WDFY2: variants seen among roughly 807,000 people sequenced by gnomAD.
The protein encoded by WDFY2 is WD repeat and FYVE domain-containing protein 2.
In WDFY2, 36 loss-of-function variants were observed where a neutral mutation model predicts 56.4. The observed-to-expected ratio is 0.64, with a 90% confidence interval of 0.49 to 0.84. The LOEUF is 0.84. Among genes scored for constraint, WDFY2 ranks in the 40% least tolerant of loss-of-function variants. The pLI, the probability that WDFY2 is intolerant of heterozygous loss-of-function variation, is 0.00. For synonymous variants in WDFY2, 176 were observed against 183.7 expected, an observed-to-expected ratio of 0.96 and a Z score of 0.34; for missense variants, 444 against 512.2, an observed-to-expected ratio of 0.87 and a Z score of 1.29.
At chr13:51,634,572 G>A (rs1387436218) in intron 1 of WDFY2, among the ~76,000 whole-genome samples, 2 of 152,192 alleles carry the variant, frequency 1.3e-5, no homozygotes, top group Admixed American at 6.5e-5. Context: ...CACCTTGGGA[G>A]GCCAGGGTAG....
chr13:51,657,540 CTAGA>C lies in WDFY2; in HGVS notation c.138-3051_138-3048del, dbSNP rs577526940. On this transcript the variant is annotated intron_variant, in intron 1 of 11. Coordinates refer to ENST00000298125, the MANE Select transcript of WDFY2 (RefSeq NM_052950.4). Reference sequence around the variant, plus strand: ...CCCTTCATTTGGAAGGATAGTGCAGCTAGATAGAGAATTCATCTGTCTTACTATA... The same window carrying C: ...CCCTTCATTTGGAAGGATAGTGCAGCTAGAGAATTCATCTGTCTTACTATA... 7.7e-4 allele frequency among the ~76,000 whole-genome samples: 118 copies of C among 152,268 alleles called. 1 individual carries two copies. The highest frequency in any genetic ancestry group is 2.2e-3 in the African/African-American group (91 of 41,578).
intron 7 of WDFY2, among the ~76,000 whole-genome samples, chr13:51,740,652 C>G (rs377184227): frequency 6.7e-6 from 1 of 148,300 alleles, no homozygotes; most frequent in African/African-American, 2.5e-5. Flanking sequence ...AGGTGGAGGT[C>G]GCGGTGAGCC....
rs556704552 is a variant in WDFY2 at position 51,727,754 on chromosome 13, A to G, written c.562A>G (p.Asn188Asp). The G allele has an allele frequency of 1.9e-4, 301 of 1,614,210 alleles. 2 individuals are homozygous for G. In the South Asian group the frequency reaches 3.1e-3, roughly 17 times the overall value. ...AACAATCCTCAAACTGGAGCAAGAA[A>G]ACTGCACCCTGGTCACAACATTCAG... Reference protein sequence around the residue: ...QVTILKLEQENCTLVTTFRGH... With the variant: ...QVTILKLEQEDCTLVTTFRGH... The change falls in exon 6 of 12, where the codon AAC becomes GAC. Residue 188 changes from asparagine to aspartate, a missense_variant. Coordinates refer to ENST00000298125, the MANE Select transcript of WDFY2 (RefSeq NM_052950.4).
At chr13:51,637,297 C>G (rs1300036111) in intron 1 of WDFY2, among the ~76,000 whole-genome samples, 2 of 152,074 alleles carry the variant, frequency 1.3e-5, no homozygotes, top group Admixed American at 1.3e-4. Context: ...CATTTTATTT[C>G]TAGAATTAAA....
chr13:51,720,165 T>A (rs1239051096), intron 5 of WDFY2, among the ~76,000 whole-genome samples: 2 of 152,240 alleles, frequency 1.3e-5, no homozygotes, highest in African/African-American at 2.4e-5. Flanking sequence ...AAGTCCTGCT[T>A]TCTAATTTCA....
Position 51,673,060 on chromosome 13 carries a change from C to T in WDFY2, c.206-2110C>T, listed in dbSNP as rs564108167. 3.3e-5 allele frequency among the ~76,000 whole-genome samples: 5 copies of T among 152,242 alleles called. No individual in the cohort carries two copies. The South Asian group carries it at 6.2e-4, about 19-fold the overall frequency. On this transcript the variant is annotated intron_variant, in intron 2 of 11. Coordinates refer to ENST00000298125, the MANE Select transcript of WDFY2 (RefSeq NM_052950.4). ...TCACAATCTATAAATTCTTTTAATT[C>T]CATGATGGCAGCAGTAATACTTTAT...
chr13:51,623,839 A>AG (rs1489795872), intron 1 of WDFY2, among the ~76,000 whole-genome samples: 1 of 147,092 alleles, frequency 6.8e-6, no homozygotes, highest in Non-Finnish European at 1.5e-5. Context: ...GTTTTTACAG[A>AG]GTTTTTTTTT....
chr13:51,623,222 TAA>T (rs529941138), intron 1 of WDFY2, among the ~76,000 whole-genome samples: 4 of 145,814 alleles, frequency 2.7e-5, no homozygotes, highest in Admixed American at 6.8e-5. Context: ...GTAATTTTTC[TAA>T]AAAAAAAAAT....
At chr13:51,707,594 C>G (rs1024763175) in intron 4 of WDFY2, among the ~76,000 whole-genome samples, 1 of 152,056 alleles carries the variant, frequency 6.6e-6, no homozygotes, top group Non-Finnish European at 1.5e-5. Context: ...ATTCATAGAC[C>G]TTCACTAAAT....
intron 1 of WDFY2, among the ~76,000 whole-genome samples, chr13:51,637,131 T>C (rs1272861525): frequency 6.6e-6 from 1 of 152,146 alleles, no homozygotes; most frequent in Non-Finnish European, 1.5e-5. Flanking sequence ...AAACTGGGGA[T>C]GGAGGAGGAA....
intron 1 of WDFY2, among the ~76,000 whole-genome samples, chr13:51,625,224 T>C (rs1954817646): frequency 6.6e-6 from 1 of 152,204 alleles, no homozygotes; most frequent in Admixed American, 6.5e-5. Context: ...GGATATACTT[T>C]AATAGTTATT....
At chr13:51,638,117 G>A (rs1955087029) in intron 1 of WDFY2, among the ~76,000 whole-genome samples, 1 of 152,208 alleles carries the variant, frequency 6.6e-6, no homozygotes, top group Non-Finnish European at 1.5e-5. Flanking sequence ...TAGGGTCAGA[G>A]AAACAGACAG....
intron 2 of WDFY2, among the ~76,000 whole-genome samples, chr13:51,673,598 T>A (rs1315315727): frequency 6.6e-6 from 1 of 152,246 alleles, no homozygotes; most frequent in East Asian, 1.9e-4. Context: ...GTATTTTTTC[T>A]TTAGATTTTT....
At chr13:51,708,416 T>G (rs1952135229) in intron 4 of WDFY2, among the ~76,000 whole-genome samples, 1 of 151,892 alleles carries the variant, frequency 6.6e-6, no homozygotes, top group African/African-American at 2.4e-5. Flanking sequence ...GGGTTTGAAG[T>G]TACAGTGAGC....
intron 6 of WDFY2, among the ~76,000 whole-genome samples, chr13:51,731,709 A>C (rs554185242): frequency 6.6e-6 from 1 of 152,224 alleles, no homozygotes; most frequent in Non-Finnish European, 1.5e-5. Context: ...CAAACACAGC[A>C]AGTCTCAGTT....
rs751797101 is a variant in WDFY2 at position 51,719,290 on chromosome 13, T to C, written c.427T>C (p.Ser143Pro). Reference protein sequence around the residue: ...GQDKQFAWHCSESGQRLGGYR... With the variant: ...GQDKQFAWHCPESGQRLGGYR... ...GGACAAGCAATTTGCCTGGCACTGC[T>C]CTGAGAGTGGGCAGCGCCTGGGAGG... The change falls in exon 5 of 12, where the codon TCT becomes CCT. Residue 143 changes from serine (S) to proline (P), a missense_variant. Transcript: ENST00000298125. The C allele has an allele frequency of 1.9e-6, 3 of 1,614,040 alleles. No homozygotes were observed. The highest frequency in any genetic ancestry group is 2.5e-6 in the Non-Finnish European group (3 of 1,179,962).
intron 8 of WDFY2, among the ~76,000 whole-genome samples, chr13:51,753,985 C>T (rs1386102276): frequency 6.6e-6 from 1 of 150,500 alleles, no homozygotes; most frequent in Non-Finnish European, 1.5e-5. Flanking sequence ...CTCAGCTTCT[C>T]AGGAGGCTGA....
intron 1 of WDFY2, among the ~76,000 whole-genome samples, chr13:51,637,759 A>G (rs1428804542): frequency 6.6e-6 from 1 of 152,220 alleles, no homozygotes; most frequent in Non-Finnish European, 1.5e-5. Context: ...GATAAAAAAG[A>G]TAATGGGGAG....
chr13:51,755,338 T>C lies in WDFY2; in HGVS notation c.832-20T>C. 6.2e-7 allele frequency: 1 copy of C among 1,612,960 alleles called. No individual in the cohort carries two copies. The highest frequency in any genetic ancestry group is 8.5e-7 in the Non-Finnish European group (1 of 1,178,916). On this transcript the variant is annotated intron_variant, in intron 8 of 11. Transcript: ENST00000298125. Reference sequence around the variant, plus strand: ...CTGACTGCTGGCCACAGTGACCTGTTCTGTGCTTTATTTGACAAGACCCCT... The same window carrying C: ...CTGACTGCTGGCCACAGTGACCTGTCCTGTGCTTTATTTGACAAGACCCCT...
Sources: gnomAD v4.1 joint callset for allele counts (sites outside exome capture counted in the v4.1 genomes callset) on GRCh38, gnomAD v4.1.1 for gene constraint, MANE v1.5 for transcripts, NCBI Gene and HGNC (gene_info 2026-07-23, HGNC 2026-07-21) for gene names.